Variants in CLDN14 observed in about 807,000 individuals in gnomAD.
CLDN14 encodes the protein claudin 14.
Under a neutral mutation model 2.1 loss-of-function variants are expected in CLDN14, and 2 were observed. That is an observed-to-expected ratio of 0.96 (90% confidence interval 0.39 to 3.01). The LOEUF (loss-of-function observed/expected upper bound fraction) is 3.01. Among genes scored for constraint, CLDN14 ranks in the 30% most tolerant of loss-of-function variants. The probability of loss-of-function intolerance (pLI) is 0.09; values close to 1 mark genes in which losing one functional copy is unlikely to be tolerated. For missense variants in CLDN14, 298 were observed against 328.0 expected (o/e 0.91, Z 0.71); for synonymous variants, 136 against 154.4 (o/e 0.88, Z 0.88).
chr21:36,571,081 C>T (rs1032062121), intron 1 of CLDN14, among the ~76,000 whole-genome samples: 1 of 152,234 alleles, frequency 6.6e-6, no homozygotes, highest in African/African-American at 2.4e-5. Flanking sequence ...ACCTCATGAT[C>T]TGCCTGCCTC....
At chr21:36,572,634 G>A (rs564663453) in intron 1 of CLDN14, among the ~76,000 whole-genome samples, 11 of 152,260 alleles carry the variant, frequency 7.2e-5, no homozygotes, top group Admixed American at 2.6e-4. Flanking sequence ...TATAATCAGA[G>A]GGTGTAGAAA....
At chr21:36,522,305 G>A (rs2087277050) in intron 1 of CLDN14, among the ~76,000 whole-genome samples, 1 of 152,178 alleles carries the variant, frequency 6.6e-6, no homozygotes, top group African/African-American at 2.4e-5. Context: ...TTGAAATAAA[G>A]CAAATAAGAA....
At chr21:36,482,356 G>T (rs117251883), upstream of CLDN14, among the ~76,000 whole-genome samples, 1 of 90,788 alleles carries the variant, frequency 1.1e-5, no homozygotes, top group Non-Finnish European at 2.3e-5. Flanking sequence ...ATGGATGGAT[G>T]GATGGATAGA....
At chr21:36,560,592 T>G (rs536704351) in intron 1 of CLDN14, among the ~76,000 whole-genome samples, 1 of 152,366 alleles carries the variant, frequency 6.6e-6, no homozygotes, top group South Asian at 2.1e-4. Context: ...CCCAAGGATA[T>G]ACTTCACTTG....
At chr21:36,519,198 G>A (rs76366597) in intron 1 of CLDN14, among the ~76,000 whole-genome samples, 12 of 152,288 alleles carry the variant, frequency 7.9e-5, no homozygotes, top group African/African-American at 1.4e-4. Flanking sequence ...TTAATCATAC[G>A]AAGGAACTGC....
chr21:36,482,355 T>C (rs1315338068), upstream of CLDN14, among the ~76,000 whole-genome samples: 964 of 122,882 alleles, frequency 7.8e-3, 13 homozygotes, highest in African/African-American at 0.031. Flanking sequence ...GATGGATGGA[T>C]GGATGGATAG....
intron 2 of CLDN14, among the ~76,000 whole-genome samples, chr21:36,510,177 C>T (rs909499098): frequency 2.0e-5 from 3 of 152,328 alleles, no homozygotes; most frequent in South Asian, 2.1e-4. Context: ...TTCTTCCACC[C>T]GCCAGACTGG....
At chr21:36,571,256 G>A (rs1168531526) in intron 1 of CLDN14, among the ~76,000 whole-genome samples, 1 of 152,200 alleles carries the variant, frequency 6.6e-6, no homozygotes, top group Non-Finnish European at 1.5e-5. Flanking sequence ...AAAATAAGCC[G>A]GTTAGAGCAC....
intron 1 of CLDN14, among the ~76,000 whole-genome samples, chr21:36,531,817 T>C (rs1428474359): frequency 1.3e-5 from 2 of 152,138 alleles, no homozygotes; most frequent in African/African-American, 4.8e-5. Flanking sequence ...AAGGCTATTA[T>C]GTTATGTCCA....
chr21:36,499,975 T>C lies in CLDN14; in HGVS notation c.-82+10388A>G, dbSNP rs2087078843. The stretch of plus-strand genomic sequence containing the variant: ...CCGCGCACACAGAGTCTACCTGTCT[T>C]CCAATGCGAGTCCCGCGAGGTGAAG... On this transcript the variant is annotated intron_variant, in intron 2 of 2. Coordinates refer to the CLDN14 transcript ENST00000342108. This position sits in a 1 kb window ranked among gnomAD's most constrained non-coding sequence, Gnocchi z 4.7. Among the ~76,000 whole-genome samples the C allele has an allele frequency of 6.6e-6, 1 of 151,994 alleles. No homozygotes were observed. The highest frequency in any genetic ancestry group is 1.5e-5 in the Non-Finnish European group (1 of 68,030).
At chr21:36,509,287 C>T (rs557011830) in intron 2 of CLDN14, among the ~76,000 whole-genome samples, 1 of 152,326 alleles carries the variant, frequency 6.6e-6, no homozygotes, top group Admixed American at 6.5e-5. Context: ...AAACCACAGG[C>T]TGGAGAACGC....
intron 2 of CLDN14, chr21:36,486,269 T>C (rs761680195): frequency 1.2e-5 from 9 of 767,694 alleles, no homozygotes; most frequent in Admixed American, 4.2e-5. Context: ...CCCTCTTCCT[T>C]AGGTCAGGAA....
At position 36,461,142 on chromosome 21, in the gene CLDN14, C is replaced by T. The variant is rs2146409965; in HGVS notation, c.554G>A (p.Cys185Tyr). 4 of 1,613,826 alleles carry T rather than the reference C, an allele frequency of 2.5e-6. No individual in the cohort carries two copies. Among genetic ancestry groups the T allele is most frequent in the East Asian group, 2.2e-5 (1 of 44,850 alleles). Reference protein sequence around the residue: ...LIGGTLLCLSCQDEAPYRPYQ... With the variant: ...LIGGTLLCLSYQDEAPYRPYQ... ...GGGCCTGTAGGGTGCCTCGTCCTGG[C>T]AGGACAGGCAAAGCAGGGTGCCACC... Residue 185 changes from cysteine to tyrosine, a missense_variant, in exon 2 of 2, where the codon TGC (cysteine) becomes TAC (tyrosine). Cys to Tyr is a radical substitution (Grantham distance 194, BLOSUM62 -2). Transcript: ENST00000399135.
intron 1 of CLDN14, among the ~76,000 whole-genome samples, chr21:36,556,115 C>T (rs2087597710): frequency 6.6e-6 from 1 of 152,118 alleles, no homozygotes; most frequent in African/African-American, 2.4e-5. Context: ...CTGAGAGCTG[C>T]CCCACAGCTC....
intron 2 of CLDN14, among the ~76,000 whole-genome samples, chr21:36,488,812 ATG>A (rs1212405648): frequency 1.3e-5 from 2 of 151,858 alleles, no homozygotes; most frequent in Non-Finnish European, 2.9e-5. Context: ...ATTTTACGTT[ATG>A]TGTGTTTTAC....
At chr21:36,539,379 T>C (rs1210511722) in intron 1 of CLDN14, among the ~76,000 whole-genome samples, 1 of 141,466 alleles carries the variant, frequency 7.1e-6, no homozygotes, top group Non-Finnish European at 1.5e-5. Flanking sequence ...GGAGTGAGTG[T>C]GTGTGGAGTG....
At chr21:36,484,778 A>G (rs1377158722), upstream of CLDN14, among the ~76,000 whole-genome samples, 1 of 151,792 alleles carries the variant, frequency 6.6e-6, no homozygotes, top group East Asian at 1.9e-4. Flanking sequence ...CAATGGCGTG[A>G]TCTTGGCTCA....
upstream of CLDN14, among the ~76,000 whole-genome samples, chr21:36,485,109 G>C (rs1169350966): frequency 6.6e-6 from 1 of 151,598 alleles, no homozygotes. Flanking sequence ...AGAAGGTAGG[G>C]CTTCAATATG....
chr21:36,516,912 C>T (rs997688759), intron 1 of CLDN14, among the ~76,000 whole-genome samples: 1 of 152,240 alleles, frequency 6.6e-6, no homozygotes, highest in Non-Finnish European at 1.5e-5. Context: ...GGAATCTCAG[C>T]TCACCGCAAC....
Sources: gnomAD v4.1 joint callset for allele counts (sites outside exome capture counted in the v4.1 genomes callset) on GRCh38, gnomAD v4.1.1 for gene constraint, Gnocchi (gnomAD v3.1) non-coding constraint, MANE v1.5 for transcripts, NCBI Gene and HGNC (gene_info 2026-07-23, HGNC 2026-07-21) for gene names.